NLGN1: variants seen among roughly 807,000 people sequenced by gnomAD.
The protein encoded by NLGN1 is neuroligin-1.
Under a neutral mutation model 65.5 loss-of-function variants are expected in NLGN1, and 12 were observed. The ratio of observed to expected loss-of-function variants is 0.18; its 90% confidence interval spans 0.12 to 0.30. NLGN1 has a LOEUF of 0.30. Among genes scored for constraint, NLGN1 ranks in the 10% least tolerant of loss-of-function variants. The pLI, the probability that NLGN1 is intolerant of heterozygous loss-of-function variation, is 1.00. For missense variants in NLGN1, 750 were observed against 1,007.1 expected, an observed-to-expected ratio of 0.74 and a Z score of 3.46; for synonymous variants, 350 against 359.5, an observed-to-expected ratio of 0.97 and a Z score of 0.30.
intron 3 of NLGN1, among the ~76,000 whole-genome samples, chr3:173,666,751 A>C (rs766229625): frequency 1.3e-5 from 2 of 152,158 alleles, no homozygotes; most frequent in African/African-American, 2.4e-5. Flanking sequence ...TACTAACTAA[A>C]ATGTCAATAA....
rs1751191479 is a variant in NLGN1 at position 174,279,444 on chromosome 3, A to G, written c.1443A>G (p.Ser481=). ...CGGATCTTCACTCAAACTTTGGTTCACCTACGTACTTCTATGCCTTTTACC... is the reference window on the plus strand; with the variant it reads ...CGGATCTTCACTCAAACTTTGGTTCGCCTACGTACTTCTATGCCTTTTACC... Residue 481 remains serine, a synonymous_variant, in exon 6 of 7, where the codon TCA becomes TCG. Transcript: ENST00000457714. The surrounding 1 kb of genome is among the most constrained non-coding windows in gnomAD (Gnocchi z 4.7). The G allele has an allele frequency of 2.5e-6, 4 of 1,613,162 alleles. No individual in the cohort carries two copies. The highest frequency in any genetic ancestry group is 3.4e-6 in the Non-Finnish European group (4 of 1,179,578).
chr3:173,608,476 A>G (rs1751740183), intron 3 of NLGN1, among the ~76,000 whole-genome samples: 1 of 151,912 alleles, frequency 6.6e-6, no homozygotes, highest in Non-Finnish European at 1.5e-5. Context: ...GTTTTGCGTA[A>G]TTTATCCATT....
chr3:174,125,171 G>C (rs1034313454), intron 4 of NLGN1, among the ~76,000 whole-genome samples: 1 of 152,064 alleles, frequency 6.6e-6, no homozygotes, highest in Non-Finnish European at 1.5e-5. Context: ...TTAAAGTTTA[G>C]ATATGATCTT....
rs375154494 is a variant in NLGN1 at position 173,407,153 on chromosome 3, T to G, written c.-390+8666T>G. On this transcript the variant is annotated intron_variant, in intron 1 of 6. Transcript: ENST00000457714. ...AGATCATTAAATAGAGTTCAGAGAT[T>G]ATATTCATATTGTAATCACATCTTT... is the stretch of plus-strand genomic sequence containing the variant. Among the ~76,000 whole-genome samples, 6 of 152,348 alleles carry G rather than the reference T, an allele frequency of 3.9e-5. No homozygotes were observed. In the East Asian group the frequency reaches 1.2e-3, roughly 29 times the overall value.
chr3:174,096,726 CA>C (rs1745603262), intron 4 of NLGN1, among the ~76,000 whole-genome samples: 1 of 152,006 alleles, frequency 6.6e-6, no homozygotes. Flanking sequence ...TAGATGTGAT[CA>C]TTTTTGAGAA....
intron 4 of NLGN1, among the ~76,000 whole-genome samples, chr3:174,191,426 G>A (rs1732371266): frequency 6.6e-6 from 1 of 152,160 alleles, no homozygotes; most frequent in African/African-American, 2.4e-5. Context: ...TAAGCTGTTA[G>A]TCAAATTACA....
chr3:173,725,008 A>G (rs565105281), intron 3 of NLGN1, among the ~76,000 whole-genome samples: 1 of 152,110 alleles, frequency 6.6e-6, no homozygotes, highest in East Asian at 1.9e-4. Flanking sequence ...CAGGAAGGGG[A>G]ACATCACATC....
intron 4 of NLGN1, among the ~76,000 whole-genome samples, chr3:173,916,900 A>G (rs1337174996): frequency 1.3e-5 from 2 of 152,206 alleles, no homozygotes; most frequent in Non-Finnish European, 2.9e-5. Context: ...TGATTGGACC[A>G]AACTGTTGAA....
At chr3:174,149,870 C>T (rs903974871) in intron 4 of NLGN1, among the ~76,000 whole-genome samples, 7 of 151,916 alleles carry the variant, frequency 4.6e-5, no homozygotes, top group Non-Finnish European at 1.0e-4. Flanking sequence ...AAAAGGAAAA[C>T]AAGCTGGATT....
intron 4 of NLGN1, among the ~76,000 whole-genome samples, chr3:173,872,084 T>G (rs1731281771): frequency 6.6e-6 from 1 of 151,956 alleles, no homozygotes; most frequent in Non-Finnish European, 1.5e-5. Context: ...TCACGAGGGA[T>G]GCACTGGAAA....
chr3:174,266,952 G>GTTGA (rs1028707252), intron 4 of NLGN1, among the ~76,000 whole-genome samples: 17 of 152,102 alleles, frequency 1.1e-4, no homozygotes, highest in African/African-American at 4.1e-4. Context: ...AAATTTGTTA[G>GTTGA]TTGATTATAG....
At chr3:174,269,736 C>G (rs925213165) in intron 4 of NLGN1, among the ~76,000 whole-genome samples, 5 of 151,746 alleles carry the variant, frequency 3.3e-5, no homozygotes, top group African/African-American at 1.2e-4. Flanking sequence ...TATACTAATC[C>G]TATGTTTAAT....
At chr3:174,032,624 A>G (rs1491701) in intron 4 of NLGN1, among the ~76,000 whole-genome samples, 39,544 of 152,016 alleles carry the variant, frequency 0.26, 6,032 homozygotes, top group African/African-American at 0.42. Flanking sequence ...GCAGTCTTAG[A>G]GGAAAGCCCC....
At chr3:174,146,926 C>T (rs1259965967) in intron 4 of NLGN1, among the ~76,000 whole-genome samples, 5 of 152,110 alleles carry the variant, frequency 3.3e-5, no homozygotes, top group Non-Finnish European at 7.4e-5. Flanking sequence ...TATAGTATAC[C>T]ATTCTTCTTA....
intron 2 of NLGN1, among the ~76,000 whole-genome samples, chr3:173,582,379 A>T (rs1746532174): frequency 6.6e-6 from 1 of 152,106 alleles, no homozygotes; most frequent in Admixed American, 6.5e-5. Context: ...GGACATAAAA[A>T]TGTTCAACTA....
chr3:173,935,514 C>G (rs992466676), intron 4 of NLGN1, among the ~76,000 whole-genome samples: 2 of 151,752 alleles, frequency 1.3e-5, no homozygotes, highest in Non-Finnish European at 2.9e-5. Context: ...AGTAATGACA[C>G]TCTTCCACAA....
intron 3 of NLGN1, among the ~76,000 whole-genome samples, chr3:173,776,992 T>C (rs1780392611): frequency 1.3e-5 from 2 of 151,952 alleles, no homozygotes; most frequent in Admixed American, 1.3e-4. Flanking sequence ...ATGGAATAAC[T>C]ATATAACTTG....
At chr3:174,251,322 C>T (rs569912592) in intron 4 of NLGN1, among the ~76,000 whole-genome samples, 1 of 152,170 alleles carries the variant, frequency 6.6e-6, no homozygotes, top group African/African-American at 2.4e-5. Flanking sequence ...AGCCTGTTTA[C>T]GTTCAAATCT....
chr3:174,221,953 A>G (rs940147316), intron 4 of NLGN1, among the ~76,000 whole-genome samples: 1 of 152,004 alleles, frequency 6.6e-6, no homozygotes, highest in Non-Finnish European at 1.5e-5. Flanking sequence ...CTGTCATTAG[A>G]TTTTGGCCCT....
Sources: gnomAD v4.1 joint callset for allele counts (sites outside exome capture counted in the v4.1 genomes callset) on GRCh38, gnomAD v4.1.1 for gene constraint, Gnocchi (gnomAD v3.1) non-coding constraint, MANE v1.5 for transcripts, NCBI Gene and HGNC (gene_info 2026-07-23, HGNC 2026-07-21) for gene names.